Variants in GNG7 observed in about 807,000 individuals in gnomAD.
GNG7 encodes the protein guanine nucleotide-binding protein G(I)/G(S)/G(O) subunit gamma-7.
In GNG7, 1 loss-of-function variant was observed where a neutral mutation model predicts 4.0. The ratio of observed to expected loss-of-function variants is 0.25; its 90% CI spans 0.09 to 1.18. The LOEUF (loss-of-function observed/expected upper bound fraction) is 1.18, where lower values mean the gene tolerates loss of function less well. GNG7 is among the 50% of genes most tolerant of loss of function. The probability of loss-of-function intolerance (pLI) is 0.50; values close to 1 mark genes in which losing one functional copy is unlikely to be tolerated. For missense variants in GNG7, 86 were observed against 91.9 expected (o/e 0.94, Z 0.26); for synonymous variants, 34 against 36.9 (o/e 0.92, Z 0.29).
intron 1 of GNG7, among the ~76,000 whole-genome samples, chr19:2,675,735 G>C (rs1432936025): frequency 2.0e-5 from 3 of 152,144 alleles, no homozygotes; most frequent in Non-Finnish European, 2.9e-5. Context: ...TTCACGATTG[G>C]GGGGAGCTCC....
intron 2 of GNG7, among the ~76,000 whole-genome samples, chr19:2,575,058 TTTTC>T (rs1980264474): frequency 6.6e-6 from 1 of 151,296 alleles, no homozygotes; most frequent in African/African-American, 2.4e-5. Context: ...TCTCTTTCTT[TTTTC>T]TTTTTCTTTC....
intron 2 of GNG7, among the ~76,000 whole-genome samples, chr19:2,602,924 T>TC (rs1450606817): frequency 6.7e-6 from 1 of 150,336 alleles, no homozygotes; most frequent in Admixed American, 6.6e-5. Flanking sequence ...TTTCTTTCTT[T>TC]TTGTTTCTTC....
chr19:2,668,811 G>A (rs2144886518), intron 1 of GNG7, among the ~76,000 whole-genome samples: 1 of 152,184 alleles, frequency 6.6e-6, no homozygotes, highest in East Asian at 1.9e-4. Context: ...TGACATTTGG[G>A]GCCAATGGCT....
chr19:2,643,126 G>C (rs910417552), intron 2 of GNG7: 5 of 453,132 alleles, frequency 1.1e-5, no homozygotes, highest in Non-Finnish European at 2.2e-5. Context: ...AGCCCTCTCC[G>C]GGCTCTGCAC....
In GNG7 at chr19:2,617,796, G is replaced by A. The variant is rs371514639; in HGVS notation, c.-78+28428C>T. ...TGCAGTGGTGCAGTCACAGCTCACCGCAACCTCAGCCTCCTGGGCTCAAGT... is the reference window on the plus strand; with the variant it reads ...TGCAGTGGTGCAGTCACAGCTCACCACAACCTCAGCCTCCTGGGCTCAAGT... On this transcript the variant is annotated intron_variant, in intron 2 of 4. Coordinates refer to ENST00000382159, the MANE Select transcript of GNG7 (RefSeq NM_052847.3). The surrounding 1 kb of genome is among the most constrained non-coding windows in gnomAD (Gnocchi z 4.7). Among the ~76,000 whole-genome samples, 21 of 150,728 alleles carry A rather than the reference G, an allele frequency of 1.4e-4. No homozygotes were observed. The Middle Eastern group carries it at 0.01, about 74-fold the overall frequency.
chr19:2,617,224 C>T lies in GNG7; in HGVS notation c.-78+29000G>A, dbSNP rs1369067752. Among the ~76,000 whole-genome samples, 1 of 152,176 alleles carries T rather than the reference C, an allele frequency of 6.6e-6. No homozygotes were observed. The highest frequency in any genetic ancestry group is 2.4e-5 in the African/African-American group (1 of 41,446). On this transcript the variant is annotated intron_variant, in intron 2 of 4. Coordinates refer to ENST00000382159, the MANE Select transcript of GNG7 (RefSeq NM_052847.3). The surrounding 1 kb of genome is among the most constrained non-coding windows in gnomAD (Gnocchi z 4.7). ...CCAGGAGCATCTCCAGTCGTGACAA[C>T]CACAGATGTCCCCAGATATCACCCA...
intron 2 of GNG7, among the ~76,000 whole-genome samples, chr19:2,622,378 T>C (rs758673413): frequency 6.6e-6 from 1 of 152,196 alleles, no homozygotes; most frequent in African/African-American, 2.4e-5. Context: ...CGCGCCCGGC[T>C]CCTGGTGGTT....
chr19:2,649,670 G>A (rs1568273974), intron 1 of GNG7, among the ~76,000 whole-genome samples: 1 of 152,066 alleles, frequency 6.6e-6, no homozygotes, highest in Non-Finnish European at 1.5e-5. Context: ...TTACAGGCGT[G>A]AGCCACCGCG....
intron 3 of GNG7, among the ~76,000 whole-genome samples, chr19:2,540,732 C>G (rs930140318): frequency 2.0e-5 from 3 of 152,332 alleles, no homozygotes; most frequent in African/African-American, 7.2e-5. Flanking sequence ...ACTGGCTTCC[C>G]TCCTCCCGGG....
chr19:2,579,241 T>C (rs1980431421), intron 2 of GNG7, among the ~76,000 whole-genome samples: 1 of 152,052 alleles, frequency 6.6e-6, no homozygotes, highest in Non-Finnish European at 1.5e-5. Context: ...GTGGCTAAGT[T>C]TGTTTTGAAA....
At chr19:2,558,782 T>C (rs573191469) in intron 2 of GNG7, among the ~76,000 whole-genome samples, 1 of 150,976 alleles carries the variant, frequency 6.6e-6, no homozygotes, top group Admixed American at 6.6e-5. Context: ...TTCTTTCTTC[T>C]CTCTCTTTCC....
chr19:2,511,719 C>T lies in GNG7; in HGVS notation c.*3303G>A. 7 of 829,228 alleles carry T rather than the reference C, an allele frequency of 8.4e-6. No individual in the cohort carries two copies. The highest frequency in any genetic ancestry group is 1.0e-5 in the Non-Finnish European group (7 of 687,190). 51.4% of individuals were successfully genotyped at this position (829,228 alleles called of 1,614,324 possible). On this transcript the variant is annotated 3_prime_UTR_variant, in exon 5 of 5. Transcript: ENST00000382159. This position sits in a 1 kb window ranked among gnomAD's most constrained non-coding sequence, Gnocchi z 6.3. ...GTTGCGCCTCGGACACGGTGGCCGG[C>T]CCGTCAAAGGGACCACGCAGAAGGA...
intron 3 of GNG7, among the ~76,000 whole-genome samples, chr19:2,535,212 G>A (rs1356647206): frequency 6.6e-6 from 1 of 151,984 alleles, no homozygotes; most frequent in East Asian, 1.9e-4. Context: ...CTGGGGGCTG[G>A]GTGCAGTGGC....
Position 2,605,624 on chromosome 19 carries a change from C to T in GNG7, c.-78+40600G>A, listed in dbSNP as rs561287533. Among the ~76,000 whole-genome samples, 4 of 149,216 alleles carry T rather than the reference C, an allele frequency of 2.7e-5. No homozygotes were observed. The South Asian group carries it at 8.4e-4, about 31-fold the overall frequency. ...TGCCTCCTCAGCTGAAGTGATTCTCCTGCCTCAGCCTCCCGAGTAGCTGGG... is the reference window on the plus strand; with the variant it reads ...TGCCTCCTCAGCTGAAGTGATTCTCTTGCCTCAGCCTCCCGAGTAGCTGGG... On this transcript the variant is annotated intron_variant, in intron 2 of 4. Transcript: ENST00000382159.
At chr19:2,660,131 C>A (rs1311987501) in intron 1 of GNG7, among the ~76,000 whole-genome samples, 1 of 152,120 alleles carries the variant, frequency 6.6e-6, no homozygotes, top group African/African-American at 2.4e-5. Flanking sequence ...ACCTGCCATC[C>A]GTGGAAGGCA....
chr19:2,651,323 CTCCCTCCCTACCT>C (rs1275679769), intron 1 of GNG7, among the ~76,000 whole-genome samples: 14 of 72,642 alleles, frequency 1.9e-4, no homozygotes, highest in African/African-American at 8.6e-4. Flanking sequence ...CCCTCCCTCC[CTCCCTCCCTACCT>C]TCCCTCCATC....
Position 2,609,795 on chromosome 19 carries a change from G to A in GNG7, c.-78+36429C>T, listed in dbSNP as rs8106248. On this transcript the variant is annotated intron_variant, in intron 2 of 4. Coordinates refer to ENST00000382159, the MANE Select transcript of GNG7 (RefSeq NM_052847.3). This position sits in a 1 kb window ranked among gnomAD's most constrained non-coding sequence, Gnocchi z 4.4. Reference sequence around the variant, plus strand: ...TCACAGCTGCAGACTGGCCACCGTAGGACAATCCAGTGGGACCTGGGGGTG... The same window carrying A: ...TCACAGCTGCAGACTGGCCACCGTAAGACAATCCAGTGGGACCTGGGGGTG... Among the ~76,000 whole-genome samples the A allele has an allele frequency of 0.011, 1,653 of 152,284 alleles. 38 individuals are homozygous for A. The highest frequency in any genetic ancestry group is 0.038 in the African/African-American group (1,574 of 41,558).
intron 3 of GNG7, among the ~76,000 whole-genome samples, chr19:2,553,891 A>G (rs920327646): frequency 6.7e-6 from 1 of 148,212 alleles, no homozygotes; most frequent in Non-Finnish European, 1.5e-5. Flanking sequence ...TACATATTCT[A>G]TGTAATATTA....
At chr19:2,616,427 TA>T (rs1981726708) in intron 2 of GNG7, among the ~76,000 whole-genome samples, 1 of 151,994 alleles carries the variant, frequency 6.6e-6, no homozygotes, top group South Asian at 2.1e-4. Context: ...GTATTTTTAG[TA>T]GAGATGAGGT....
Sources: allele counts gnomAD v4.1 joint callset (sites outside exome capture counted in the v4.1 genomes callset), GRCh38; gene constraint gnomAD v4.1.1; non-coding constraint Gnocchi (gnomAD v3.1); transcripts MANE v1.5; gene names NCBI Gene and HGNC (gene_info 2026-07-23, HGNC 2026-07-21).